Variants in ARID1B observed in about 807,000 individuals in gnomAD.
ARID1B encodes AT-rich interactive domain-containing protein 1B.
In ARID1B, 30 loss-of-function variants were observed where a neutral mutation model predicts 212.3. The observed-to-expected ratio is 0.14, with a 90% CI of 0.11 to 0.19. The LOEUF (loss-of-function observed/expected upper bound fraction) is 0.19. ARID1B is among the 10% of genes least tolerant of loss of function. The pLI is 1.00. For missense variants in ARID1B, 2,891 were observed against 3,204.0 expected (o/e 0.90, Z 2.36); for synonymous variants, 1,402 against 1,301.7 (o/e 1.08, Z -1.66).
intron 5 of ARID1B, among the ~76,000 whole-genome samples, chr6:157,090,169 G>A (rs1303541749): frequency 6.6e-6 from 1 of 151,664 alleles, no homozygotes; most frequent in Admixed American, 6.5e-5. Flanking sequence ...TTATTTTATT[G>A]GCCAGAGGCT....
chr6:157,099,759 G>A (rs1308029352), intron 5 of ARID1B, among the ~76,000 whole-genome samples: 1 of 152,170 alleles, frequency 6.6e-6, no homozygotes, highest in Non-Finnish European at 1.5e-5. Context: ...ACCACAGTAG[G>A]GAGGAGAGTT....
At chr6:156,946,660 G>A (rs1398370277) in intron 4 of ARID1B, among the ~76,000 whole-genome samples, 2 of 151,868 alleles carry the variant, frequency 1.3e-5, no homozygotes, top group Non-Finnish European at 2.9e-5. Context: ...AATTGTGGTG[G>A]CAGTGGGAGT....
intron 4 of ARID1B, among the ~76,000 whole-genome samples, chr6:156,950,137 C>T (rs939441896): frequency 1.3e-5 from 2 of 152,214 alleles, no homozygotes; most frequent in African/African-American, 4.8e-5. Flanking sequence ...GATTGGGGTT[C>T]ACCCTCCCTT....
At chr6:157,077,057 T>G (rs1562598082) in intron 4 of ARID1B, among the ~76,000 whole-genome samples, 1 of 152,234 alleles carries the variant, frequency 6.6e-6, no homozygotes, top group South Asian at 2.1e-4. Flanking sequence ...TCATTGATTC[T>G]CACATGGACC....
In ARID1B at chr6:156,827,754, CTTTTTTTTTTTT is replaced by C. The variant is rs532857305; in HGVS notation, c.1792-1455_1792-1444del. Among the ~76,000 whole-genome samples, 561 of 68,474 alleles carry C rather than the reference CTTTTTTTTTTTT, an allele frequency of 8.2e-3. 4 individuals are homozygous for C. The highest frequency in any genetic ancestry group is 0.026 in the African/African-American group (543 of 20,962). The allele number at this position is 68,474 out of a possible 152,430, so 44.9% of individuals were successfully genotyped here. ...GTTATTCCCCTTTATCCTGGTAATTCTTTTTTTTTTTTTTTTTTTTTTTTTTTTTGAGATGGA... is the reference window on the plus strand; with the variant it reads ...GTTATTCCCCTTTATCCTGGTAATTCTTTTTTTTTTTTTTTTTGAGATGGA... On this transcript the variant is annotated intron_variant, in intron 1 of 19. Coordinates refer to ENST00000636930, the MANE Select transcript of ARID1B (RefSeq NM_001374828.1).
intron 4 of ARID1B, among the ~76,000 whole-genome samples, chr6:157,011,032 G>GT (rs1779574655): frequency 1.3e-5 from 2 of 152,254 alleles, no homozygotes; most frequent in Non-Finnish European, 2.9e-5. Flanking sequence ...TATGGTGTGT[G>GT]TTTTTTAAGT....
intron 3 of ARID1B, among the ~76,000 whole-genome samples, chr6:156,915,867 G>T (rs1236418562): frequency 1.3e-5 from 2 of 151,326 alleles, no homozygotes; most frequent in Non-Finnish European, 2.9e-5. Context: ...CTGCACTCCA[G>T]TCTGGGTGGA....
In ARID1B at chr6:157,210,575, G is replaced by C. The variant is rs1360257310; in HGVS notation, c.*2684G>C. On this transcript the variant is annotated 3_prime_UTR_variant, in exon 20 of 20. Transcript: ENST00000636930. ...ATCAAGATTTACAGAAGCCCACGAAGAATTTACAGCCTGCTTGAGATCATC... is the reference window on the plus strand; with the variant it reads ...ATCAAGATTTACAGAAGCCCACGAACAATTTACAGCCTGCTTGAGATCATC... 1 of 231,542 alleles carries C rather than the reference G, an allele frequency of 4.3e-6. No individual in the cohort carries two copies. The highest frequency in any genetic ancestry group is 8.5e-6 in the Non-Finnish European group (1 of 117,566). The allele number at this position is 231,542 out of a possible 1,614,324, so 14.3% of individuals were successfully genotyped here. A position where few individuals can be genotyped will look rare whatever the true frequency, so the allele number is the denominator to read the frequency against.
In ARID1B at chr6:157,207,223, T is replaced by C. The variant is rs755163871; in HGVS notation, c.6451T>C (p.Leu2151=). Residue 2151 remains leucine, a synonymous_variant, in exon 20 of 20, where the codon TTG becomes CTG. Coordinates refer to ENST00000636930, the MANE Select transcript of ARID1B (RefSeq NM_001374828.1). This position sits in a 1 kb window ranked among gnomAD's most constrained non-coding sequence, Gnocchi z 8.5. ...EVLRDNTLVT[L]ANISGQLDLS... is the part of the protein sequence containing the mutation. ...CTTGAGGGATAACACGTTGGTCACG[T>C]TGGCCAACATTTCCGGGCAGCTAGA... The C allele has an allele frequency of 2.0e-5, 33 of 1,614,034 alleles. No individual in the cohort carries two copies. The highest frequency in any genetic ancestry group is 2.6e-5 in the Non-Finnish European group (31 of 1,180,046).
At chr6:156,900,515 CA>C (rs1361752902) in intron 2 of ARID1B, among the ~76,000 whole-genome samples, 1 of 152,178 alleles carries the variant, frequency 6.6e-6, no homozygotes, top group Non-Finnish European at 1.5e-5. Context: ...TGGTATGAAA[CA>C]AAATGACTTT....
At chr6:156,933,678 T>C (rs1037369152) in intron 3 of ARID1B, among the ~76,000 whole-genome samples, 3 of 152,200 alleles carry the variant, frequency 2.0e-5, no homozygotes, top group Non-Finnish European at 4.4e-5. Flanking sequence ...CCTAGACAAA[T>C]AGCATTGAAT....
At chr6:156,968,722 T>C (rs1776709187) in intron 4 of ARID1B, among the ~76,000 whole-genome samples, 1 of 152,256 alleles carries the variant, frequency 6.6e-6, no homozygotes, top group African/African-American at 2.4e-5. Flanking sequence ...CCACCACTTC[T>C]AGCTCTGTCA....
intron 4 of ARID1B, among the ~76,000 whole-genome samples, chr6:157,064,081 T>C (rs1783524663): frequency 6.6e-6 from 1 of 152,234 alleles, no homozygotes. Flanking sequence ...ATCTCCACAG[T>C]AGGAATCCCA....
chr6:156,883,394 T>C (rs1324384184), intron 2 of ARID1B, among the ~76,000 whole-genome samples: 1 of 152,244 alleles, frequency 6.6e-6, no homozygotes, highest in Admixed American at 6.5e-5. Flanking sequence ...TCCTCCACTC[T>C]GGACAAATAG....
chr6:157,173,456 A>G (rs1259828741), intron 9 of ARID1B: 1 of 152,264 alleles, frequency 6.6e-6, no homozygotes, highest in Non-Finnish European at 1.5e-5. Flanking sequence ...ATTTTTAATT[A>G]TATTGTTTTT....
chr6:156,895,242 A>C (rs1032142400), intron 2 of ARID1B, among the ~76,000 whole-genome samples: 1 of 152,176 alleles, frequency 6.6e-6, no homozygotes, highest in Non-Finnish European at 1.5e-5. Context: ...CCCATAGGGA[A>C]ATTAGTGACC....
chr6:156,782,735 T>G (rs918137034), intron 1 of ARID1B, among the ~76,000 whole-genome samples: 17 of 152,138 alleles, frequency 1.1e-4, no homozygotes, highest in African/African-American at 4.1e-4. Flanking sequence ...GTAAACAAAT[T>G]TTTGTGGCCT....
intron 4 of ARID1B, among the ~76,000 whole-genome samples, chr6:157,046,401 A>AT (rs891206436): frequency 3.9e-5 from 6 of 152,032 alleles, no homozygotes; most frequent in African/African-American, 7.3e-5. Context: ...ATGGAATAGG[A>AT]TTTTTTTCCT....
At chr6:156,906,518 C>T (rs1321671232) in intron 3 of ARID1B, among the ~76,000 whole-genome samples, 1 of 127,114 alleles carries the variant, frequency 7.9e-6, no homozygotes, top group African/African-American at 3.0e-5. Context: ...GCACTCTAGC[C>T]TGGGCAACAA....
Sources: allele counts gnomAD v4.1 joint callset (sites outside exome capture counted in the v4.1 genomes callset), GRCh38; gene constraint gnomAD v4.1.1; non-coding constraint Gnocchi (gnomAD v3.1); transcripts MANE v1.5; gene names NCBI Gene and HGNC (gene_info 2026-07-23, HGNC 2026-07-21).